FSD1L: variants seen among roughly 807,000 people sequenced by gnomAD.
FSD1L encodes FSD1-like protein.
In FSD1L, 45 loss-of-function variants were observed where a neutral mutation model predicts 71.6. That is an observed-to-expected ratio of 0.63 (90% CI 0.49 to 0.81). The LOEUF is 0.81. Ranked by LOEUF, FSD1L falls within the 30% of genes least tolerant of loss-of-function variation. The pLI is 0.00. For missense variants in FSD1L, 561 were observed against 618.1 expected (o/e 0.91, Z 0.98); for synonymous variants, 197 against 207.2 (o/e 0.95, Z 0.42).
intron 9 of FSD1L, among the ~76,000 whole-genome samples, chr9:105,511,366 CAAAA>C (rs1834386911): frequency 6.6e-6 from 1 of 152,012 alleles, no homozygotes; most frequent in African/African-American, 2.4e-5. Context: ...TATTCTTTCT[CAAAA>C]ATGTAGAAGC....
chr9:105,461,711 G>T (rs1421829603), intron 2 of FSD1L, 96 bp downstream of exon 2: 7 of 716,318 alleles, frequency 9.8e-6, no homozygotes, highest in East Asian at 8.3e-5. Context: ...TAAAAAACAG[G>T]AACATTAAAA....
intron 7 of FSD1L, among the ~76,000 whole-genome samples, chr9:105,492,521 T>G (rs1301342794): frequency 6.6e-6 from 1 of 152,196 alleles, no homozygotes; most frequent in Non-Finnish European, 1.5e-5. Context: ...TTGATTTTAG[T>G]TATTTCTTGC....
At chr9:105,478,062 G>A (rs1416449747) in intron 5 of FSD1L, among the ~76,000 whole-genome samples, 4 of 152,106 alleles carry the variant, frequency 2.6e-5, no homozygotes, top group Non-Finnish European at 4.4e-5. Flanking sequence ...GTCTAACATG[G>A]TGAAACCCCG....
the FSD1L span, among the ~76,000 whole-genome samples, chr9:105,442,580 C>A: frequency 6.6e-6 from 1 of 151,794 alleles, no homozygotes; most frequent in Non-Finnish European, 1.5e-5. Flanking sequence ...CCCAGCTACT[C>A]GGCAGGCTGA....
At chr9:105,492,490 T>G (rs1033459423) in intron 7 of FSD1L, among the ~76,000 whole-genome samples, 1 of 152,188 alleles carries the variant, frequency 6.6e-6, no homozygotes, top group Non-Finnish European at 1.5e-5. Flanking sequence ...TTTTTGTGTC[T>G]CTATTTCCTT....
chr9:105,522,030 G>A (rs1323196037), intron 10 of FSD1L: 2 of 1,612,974 alleles, frequency 1.2e-6, no homozygotes, highest in African/African-American at 2.7e-5. Context: ...CACGGAATCT[G>A]TACTGAAGAT....
Position 105,547,518 on chromosome 9 carries a change from G to GA in FSD1L, c.*1042dup, listed in dbSNP as rs1015328908. ...ATGGAATGCTTTAAGCAATTGTTTTGAAAAAAATCTGCGTATCTTTGACTT... is the reference window on the plus strand; with the variant it reads ...ATGGAATGCTTTAAGCAATTGTTTTGAAAAAAAATCTGCGTATCTTTGACTT... On this transcript the variant is annotated 3_prime_UTR_variant, in exon 14 of 14. Coordinates refer to ENST00000481272, the MANE Select transcript of FSD1L (RefSeq NM_001145313.3). 2.0e-5 allele frequency: 3 copies of GA among 151,770 alleles called. No homozygotes were observed. The highest frequency in any genetic ancestry group is 2.9e-5 in the Non-Finnish European group (2 of 67,866). The allele number at this position is 151,770 out of a possible 1,614,324, so 9.4% of individuals were successfully genotyped here. A position where few individuals can be genotyped will look rare whatever the true frequency, so the allele number is the denominator to read the frequency against.
In FSD1L at chr9:105,521,883, G is replaced by A. The variant is rs946298138; in HGVS notation, c.1025+8947G>A. On this transcript the variant is annotated intron_variant, in intron 10 of 13. Coordinates refer to ENST00000481272, the MANE Select transcript of FSD1L (RefSeq NM_001145313.3). ...ATCAAATATATTTCTTCTTGAACCT[G>A]CAAATGAAATAAAAAATCTTCTGGA... 2.7e-5 allele frequency: 43 copies of A among 1,612,294 alleles called. No individual in the cohort carries two copies. The Middle Eastern group carries it at 1.7e-3, about 64-fold the overall frequency.
Position 105,471,158 on chromosome 9 carries a change from GCCTTT to G in FSD1L, c.340-741_340-737del, listed in dbSNP as rs536622690. Among the ~76,000 whole-genome samples, 1,208 of 152,274 alleles carry G rather than the reference GCCTTT, an allele frequency of 7.9e-3. 10 individuals carry two copies. Among genetic ancestry groups the G allele is most frequent in the Middle Eastern group, 0.02 (6 of 294 alleles). ...GGCCATGGGTCATGTCTTTTCTCTTGCCTTTCCTTCTTCCCATCAAGTACCAAAAA... is the reference window on the plus strand; with the variant it reads ...GGCCATGGGTCATGTCTTTTCTCTTGCCTTCTTCCCATCAAGTACCAAAAA... On this transcript the variant is annotated intron_variant, in intron 4 of 13. Transcript: ENST00000481272.
At chr9:105,483,752 G>GT (rs1319784289) in intron 6 of FSD1L, among the ~76,000 whole-genome samples, 1 of 152,036 alleles carries the variant, frequency 6.6e-6, no homozygotes, top group African/African-American at 2.4e-5. Context: ...TCACAGGGCT[G>GT]TTTCTTACAG....
At chr9:105,476,098 G>T (rs1831779971) in intron 5 of FSD1L, among the ~76,000 whole-genome samples, 1 of 152,132 alleles carries the variant, frequency 6.6e-6, no homozygotes, top group African/African-American at 2.4e-5. Flanking sequence ...ACCCATTACA[G>T]ATTAAGAACA....
chr9:105,503,949 A>C (rs1833910988), intron 7 of FSD1L, among the ~76,000 whole-genome samples: 1 of 152,226 alleles, frequency 6.6e-6, no homozygotes, highest in African/African-American at 2.4e-5. Context: ...TATTCACAAG[A>C]AAGAAGAATC....
intron 10 of FSD1L, among the ~76,000 whole-genome samples, chr9:105,518,994 G>A (rs1320177472): frequency 1.3e-5 from 2 of 152,170 alleles, no homozygotes; most frequent in Non-Finnish European, 2.9e-5. Context: ...TGATCCCACA[G>A]AAATACAAAC....
intron 1 of FSD1L, among the ~76,000 whole-genome samples, chr9:105,454,077 G>A (rs1830217729): frequency 6.6e-6 from 1 of 151,998 alleles, no homozygotes; most frequent in Non-Finnish European, 1.5e-5. Flanking sequence ...CAAGTTTATT[G>A]TAGGAAAATA....
intron 5 of FSD1L, among the ~76,000 whole-genome samples, chr9:105,476,130 G>A (rs1214113921): frequency 6.6e-6 from 1 of 152,192 alleles, no homozygotes; most frequent in African/African-American, 2.4e-5. Context: ...GAAAAGATCT[G>A]TTAACTTTTT....
chr9:105,468,312 C>T lies in FSD1L; in HGVS notation c.327C>T (p.Ser109=), dbSNP rs1218868774. The change falls in exon 4 of 14, where the codon TCC becomes TCT. Residue 109 remains serine, a synonymous_variant. Transcript: ENST00000481272. ...TCAAGCAGGAACAAGCTCGTAAATC[C>T]CAAGAGTTACAGGTGAGATCATACA... ...NCIKQEQARK[S]QELQSQISQC... 1 of 1,488,324 alleles carries T rather than the reference C, an allele frequency of 6.7e-7. No homozygotes were observed. Among genetic ancestry groups the T allele is most frequent in the Non-Finnish European group, 8.9e-7 (1 of 1,125,210 alleles). The allele number at this position is 1,488,324 out of a possible 1,614,324, so 92.2% of individuals were successfully genotyped here. A position where few individuals can be genotyped will look rare whatever the true frequency, so the allele number is the denominator to read the frequency against.
chr9:105,487,708 T>G (rs1832645951), intron 7 of FSD1L, among the ~76,000 whole-genome samples: 1 of 152,136 alleles, frequency 6.6e-6, no homozygotes, highest in Admixed American at 6.6e-5. Context: ...TTATGGTGAT[T>G]TTTTTTCCTA....
intron 1 of FSD1L, among the ~76,000 whole-genome samples, chr9:105,461,272 G>A (rs1036003790): frequency 6.6e-6 from 1 of 151,948 alleles, no homozygotes; most frequent in African/African-American, 2.4e-5. Context: ...GCCGTAATGT[G>A]GTTTTTGAGC....
intron 10 of FSD1L, among the ~76,000 whole-genome samples, chr9:105,515,246 A>G (rs1834640139): frequency 1.3e-5 from 2 of 152,214 alleles, no homozygotes; most frequent in African/African-American, 2.4e-5. Context: ...GCGTCACTAG[A>G]TGGCACGGCT....
Sources: gnomAD v4.1 joint callset for allele counts (sites outside exome capture counted in the v4.1 genomes callset) on GRCh38, gnomAD v4.1.1 for gene constraint, MANE v1.5 for transcripts, NCBI Gene and HGNC (gene_info 2026-07-23, HGNC 2026-07-21) for gene names.